The following SLC36A3 variants were observed in gnomAD, a reference collection of about 807,000 sequenced individuals.
SLC36A3 encodes proton-coupled amino acid transporter 3.
Under a neutral mutation model 44.3 loss-of-function variants are expected in SLC36A3, and 35 were observed. The ratio of observed to expected loss-of-function variants is 0.79; its 90% CI spans 0.60 to 1.05. The LOEUF is 1.05. Among genes scored for constraint, SLC36A3 ranks in the 50% least tolerant of loss-of-function variants. The probability of loss-of-function intolerance (pLI) is 0.00; values close to 1 mark genes in which losing one functional copy is unlikely to be tolerated. For missense variants in SLC36A3, 540 were observed against 578.7 expected (o/e 0.93, Z 0.69); for synonymous variants, 211 against 227.6 (o/e 0.93, Z 0.66).
Position 151,280,908 on chromosome 5 carries a change from C to G in SLC36A3, c.1144+106G>C. The G allele has an allele frequency of 4.3e-6, 6 of 1,395,872 alleles. No individual in the cohort carries two copies. The South Asian group carries it at 7.6e-5, about 18-fold the overall frequency. The allele number at this position is 1,395,872 out of a possible 1,614,324, so 86.5% of individuals were successfully genotyped here. ...GTCCAGGGAGGTGAAATATCCCACC[C>G]TAGGTCACAAAGAAGGCAAGTGGCA... On this transcript the variant is annotated intron_variant, in intron 9 of 9. Transcript: ENST00000335230.
At chr5:151,290,793 G>C (rs1561635187) in intron 4 of SLC36A3, among the ~76,000 whole-genome samples, 1 of 152,044 alleles carries the variant, frequency 6.6e-6, no homozygotes, top group Admixed American at 6.5e-5. Context: ...TACTCAGGAG[G>C]CTGAGGCAGG....
chr5:151,298,126 G>A (rs1755022355), intron 2 of SLC36A3: 1 of 153,212 alleles, frequency 6.5e-6, no homozygotes, highest in African/African-American at 2.4e-5. Flanking sequence ...CAGAAATGAG[G>A]GGGCAGGAAC....
At chr5:151,290,062 CT>C (rs34094246) in intron 4 of SLC36A3, among the ~76,000 whole-genome samples, 23,398 of 151,882 alleles carry the variant, frequency 0.15, 2,320 homozygotes, top group African/African-American at 0.28. Flanking sequence ...GTTTTCTCCT[CT>C]TTTTTTTGGC....
At position 151,303,304 on chromosome 5, in the gene SLC36A3, G is replaced by A. The variant is rs75070937; in HGVS notation, c.51C>T (p.Asn17=). Residue 17 remains asparagine, a synonymous_variant, in exon 1 of 10, where the codon AAC becomes AAT. Transcript: ENST00000335230. ...DYNSELNSLD[N]GPQSPSESSS... is the part of the protein sequence containing the mutation. Reference sequence around the variant, plus strand: ...TGCTCTCTGAGGGTGACTGAGGTCCGTTGTCCAAGGAGTTCAGCTCACTGT... The same window carrying A: ...TGCTCTCTGAGGGTGACTGAGGTCCATTGTCCAAGGAGTTCAGCTCACTGT... 2.1e-3 allele frequency: 3,409 copies of A among 1,613,996 alleles called. 41 individuals are homozygous for A. The African/African-American group carries it at 0.038, about 18-fold the overall frequency.
chr5:151,281,228 G>T, intron 8 of SLC36A3, 45 bp from the exon 9 acceptor site: 1 of 1,568,122 alleles, frequency 6.4e-7, no homozygotes, highest in Non-Finnish European at 8.7e-7. Context: ...TGGCTCCCCG[G>T]AAGGGCCATT....
intron 9 of SLC36A3, 100 bp from the exon 10 acceptor site, chr5:151,277,761 G>A: frequency 4.2e-6 from 6 of 1,435,106 alleles, no homozygotes; most frequent in Non-Finnish European, 5.6e-6. Context: ...GACCACTTTG[G>A]AGAGGTGGGA....
At chr5:151,287,531 A>G in intron 5 of SLC36A3, 67 bp from the exon 6 acceptor site, 1 of 1,439,916 alleles carries the variant, frequency 6.9e-7, no homozygotes, top group Non-Finnish European at 9.6e-7. Flanking sequence ...ATTACATTTG[A>G]ATTTCAGGTA....
At chr5:151,298,323 G>T in intron 2 of SLC36A3, 1 of 336,750 alleles carries the variant, frequency 3.0e-6, no homozygotes, top group Non-Finnish European at 5.0e-6. Flanking sequence ...AGCTGCATGT[G>T]ATCCTAGGAG....
At chr5:151,298,487 G>C in intron 2 of SLC36A3, 106 bp downstream of exon 2, 2 of 1,090,574 alleles carry the variant, frequency 1.8e-6, no homozygotes, top group Non-Finnish European at 2.7e-6. Flanking sequence ...CAATTGCAGA[G>C]GGTACCCCCA....
At chr5:151,299,782 G>A (rs569786240) in intron 1 of SLC36A3, among the ~76,000 whole-genome samples, 70 of 152,282 alleles carry the variant, frequency 4.6e-4, no homozygotes, top group African/African-American at 1.7e-3. Flanking sequence ...AAAAAAGGGA[G>A]AAAATTCTAG....
chr5:151,299,256 C>CTATATATA (rs1394218183), intron 1 of SLC36A3, among the ~76,000 whole-genome samples: 5 of 76,594 alleles, frequency 6.5e-5, no homozygotes, highest in Non-Finnish European at 1.0e-4. Context: ...CTCTCTCTCT[C>CTATATATA]TCTCTCTCTA....
At chr5:151,279,702 T>G (rs1754238236) in intron 9 of SLC36A3, among the ~76,000 whole-genome samples, 2 of 152,302 alleles carry the variant, frequency 1.3e-5, no homozygotes, top group South Asian at 4.1e-4. Context: ...CTCTAACACC[T>G]CAAACCAAGT....
intron 1 of SLC36A3, among the ~76,000 whole-genome samples, chr5:151,301,710 G>A (rs550337718): frequency 2.9e-4 from 42 of 144,842 alleles, no homozygotes; most frequent in Non-Finnish European, 4.8e-4. Context: ...CAGCCTGGGC[G>A]ATAGAGCAAG....
At chr5:151,295,108 T>A (rs914983137) in intron 3 of SLC36A3, among the ~76,000 whole-genome samples, 3 of 151,580 alleles carry the variant, frequency 2.0e-5, no homozygotes, top group Non-Finnish European at 2.9e-5. Context: ...AATGGCCTGA[T>A]GTCAGAAGCT....
At chr5:151,295,653 T>G (rs1471877530) in intron 3 of SLC36A3, among the ~76,000 whole-genome samples, 3 of 152,264 alleles carry the variant, frequency 2.0e-5, no homozygotes, top group African/African-American at 7.2e-5. Flanking sequence ...TTTCTGAAAT[T>G]GTTTTTGCAT....
At chr5:151,299,225 G>GCTCTCTCTCTCTCTCTCT (rs61382152) in intron 1 of SLC36A3, among the ~76,000 whole-genome samples, 6 of 92,388 alleles carry the variant, frequency 6.5e-5, no homozygotes, top group Admixed American at 3.6e-4. Flanking sequence ...TTGCTTGTGC[G>GCTCTCTCTCTCTCTCTCT]CTCTCTCTCT....
intron 9 of SLC36A3, 117 bp from the exon 10 acceptor site, chr5:151,277,778 C>T: frequency 7.7e-7 from 1 of 1,306,572 alleles, no homozygotes; most frequent in Non-Finnish European, 1.0e-6. Context: ...GGGAGGGAGC[C>T]TACTGCAGGC....
At chr5:151,289,593 T>G (rs1449036145) in intron 4 of SLC36A3, among the ~76,000 whole-genome samples, 1 of 152,176 alleles carries the variant, frequency 6.6e-6, no homozygotes, top group Non-Finnish European at 1.5e-5. Flanking sequence ...ACACACTGAA[T>G]TATTTTATTT....
intron 6 of SLC36A3, among the ~76,000 whole-genome samples, chr5:151,285,921 C>T (rs962645697): frequency 5.9e-5 from 9 of 152,032 alleles, no homozygotes; most frequent in African/African-American, 2.2e-4. Flanking sequence ...GCTGCTCTGC[C>T]GCACATTAAG....
Sources: allele counts gnomAD v4.1 joint callset (sites outside exome capture counted in the v4.1 genomes callset), GRCh38; gene constraint gnomAD v4.1.1; transcripts MANE v1.5; gene names NCBI Gene and HGNC (gene_info 2026-07-23, HGNC 2026-07-21).